Variants in TNPO1 observed in about 807,000 individuals in gnomAD.
TNPO1 encodes the protein transportin 1.
A neutral mutation model predicts 119.5 loss-of-function variants in TNPO1; 8 were observed. The observed-to-expected ratio is 0.07, with a 90% CI of 0.04 to 0.12. The LOEUF (loss-of-function observed/expected upper bound fraction) is 0.12, where lower values mean the gene tolerates loss of function less well. TNPO1 is among the 10% of genes least tolerant of loss of function. TNPO1 has a pLI of 1.00. For synonymous variants in TNPO1, 362 were observed against 363.0 expected (o/e 1.00, Z 0.03); for missense variants, 576 against 1,089.8 (o/e 0.53, Z 6.64).
In TNPO1 at chr5:72,913,671, T is replaced by C. The variant is rs2112537166; in HGVS notation, c.*4998T>C. 1 of 152,670 alleles carries C rather than the reference T, an allele frequency of 6.6e-6. No individual in the cohort carries two copies. Among genetic ancestry groups the C allele is most frequent in the South Asian group, 2.1e-4 (1 of 4,832 alleles). The allele number at this position is 152,670 out of a possible 1,614,324, so 9.5% of individuals were successfully genotyped here. On this transcript the variant is annotated 3_prime_UTR_variant, in exon 25 of 25. Coordinates refer to ENST00000337273, the MANE Select transcript of TNPO1 (RefSeq NM_002270.4). ...TTCAAGATTAGCTATTTCGCTGGTA[T>C]TACATCTTTTTAAAAGCCTATTATA...
rs1334973639 is a variant in TNPO1, at chr5:72,889,971, A to G, written c.1701+14A>G. 6.2e-7 allele frequency: 1 copy of G among 1,609,860 alleles called. No homozygotes were observed. The highest frequency in any genetic ancestry group is 1.7e-5 in the Admixed American group (1 of 58,682). The stretch of plus-strand genomic sequence containing the variant: ...TTAAACAAACCAGTAAGTATCTGTT[A>G]AGAACTATTAGGGAAAATAATGTGT... On this transcript the variant is annotated intron_variant, in intron 14 of 24. Transcript: ENST00000337273.
intron 1 of TNPO1, 105 bp downstream of exon 1, chr5:72,816,857 GCT>G: frequency 7.3e-7 from 1 of 1,370,698 alleles, no homozygotes. Flanking sequence ...GGGCTCGCCC[GCT>G]CTCTCGGCGC....
intron 7 of TNPO1, 63 bp downstream of exon 7, chr5:72,872,783 A>T: frequency 1.1e-6 from 1 of 915,506 alleles, no homozygotes; most frequent in Non-Finnish European, 1.7e-6. Flanking sequence ...AGGTTAGGTG[A>T]TGCTAACTGC....
chr5:72,816,800 G>A, intron 1 of TNPO1, 48 bp downstream of exon 1: 1 of 1,555,392 alleles, frequency 6.4e-7, no homozygotes, highest in Non-Finnish European at 8.7e-7. Flanking sequence ...GGCGGGAACG[G>A]AGGCTGGGAG....
At chr5:72,832,940 G>A (rs266428) in intron 1 of TNPO1, among the ~76,000 whole-genome samples, 95,713 of 151,904 alleles carry the variant, frequency 0.63, 31,265 homozygotes, top group East Asian at 0.75. Context: ...ACCTTTCAGA[G>A]ACTTGCATGT....
intron 15 of TNPO1, among the ~76,000 whole-genome samples, chr5:72,892,097 C>T (rs914129028): frequency 2.0e-5 from 3 of 151,832 alleles, no homozygotes; most frequent in African/African-American, 7.3e-5. Flanking sequence ...TATCTACTCT[C>T]TATATAGAGT....
chr5:72,828,476 C>A (rs917961101), intron 1 of TNPO1, among the ~76,000 whole-genome samples: 2 of 152,136 alleles, frequency 1.3e-5, no homozygotes, highest in Non-Finnish European at 2.9e-5. Context: ...CAATTTTTAA[C>A]ATTTTGCTAC....
At chr5:72,870,094 G>C (rs34673) in intron 6 of TNPO1, among the ~76,000 whole-genome samples, 21,679 of 149,746 alleles carry the variant, frequency 0.14, 1,734 homozygotes, top group East Asian at 0.3. Context: ...TGGAATTTAC[G>C]TTGGAATAAC....
In TNPO1 at chr5:72,896,427, G is replaced by GT. The variant is rs538889311; in HGVS notation, c.2144-28dup. ...AAGTACAATATACTGCTATTGAAAA[G>GT]TTTACTACATAGTTTAAATTTTTTT... On this transcript the variant is annotated intron_variant, in intron 18 of 24. Transcript: ENST00000337273. 4.3e-5 allele frequency: 66 copies of GT among 1,533,904 alleles called. No individual in the cohort carries two copies. In the South Asian group the frequency reaches 7.3e-4, roughly 17 times the overall value.
At chr5:72,861,128 C>G (rs1298435838) in intron 4 of TNPO1, among the ~76,000 whole-genome samples, 1 of 152,092 alleles carries the variant, frequency 6.6e-6, no homozygotes, top group Non-Finnish European at 1.5e-5. Flanking sequence ...TCAGGCTGGT[C>G]TTGAACTCCC....
In TNPO1 at chr5:72,900,052, C is replaced by T. The variant is rs1749699739; in HGVS notation, c.2385C>T (p.Ala795=). 1.9e-6 allele frequency: 3 copies of T among 1,613,702 alleles called. No individual in the cohort carries two copies. The highest frequency in any genetic ancestry group is 2.2e-5 in the South Asian group (2 of 91,040). The change falls in exon 21 of 25, where the codon GCC becomes GCT. Residue 795 remains alanine, a synonymous_variant. Transcript: ENST00000337273. ...GTTACGTTTGTCCTCAAGAGGTGGC[C>T]CCCATGCTACAGCAGTTTATAAGAC... ...RLGYVCPQEV[A]PMLQQFIRPW... is the part of the protein sequence containing the mutation.
intron 1 of TNPO1, among the ~76,000 whole-genome samples, chr5:72,838,833 A>G (rs1223446868): frequency 6.6e-6 from 1 of 152,186 alleles, no homozygotes; most frequent in African/African-American, 2.4e-5. Context: ...CCAATTCTTA[A>G]CATTTACTAG....
chr5:72,825,765 C>T, intron 1 of TNPO1: 1 of 152,542 alleles, frequency 6.6e-6, no homozygotes, highest in Non-Finnish European at 1.5e-5. Flanking sequence ...AGCTAGAAAG[C>T]AGCCCTCACC....
At chr5:72,835,302 T>C (rs553382091) in intron 1 of TNPO1, among the ~76,000 whole-genome samples, 1 of 152,378 alleles carries the variant, frequency 6.6e-6, no homozygotes, top group Non-Finnish European at 1.5e-5. Flanking sequence ...TTGATTTTTC[T>C]ACTTTAGAAT....
chr5:72,848,743 C>T (rs1745298783), intron 2 of TNPO1, among the ~76,000 whole-genome samples: 2 of 147,236 alleles, frequency 1.4e-5, no homozygotes, highest in Non-Finnish European at 3.0e-5. Context: ...AGGCCACCGG[C>T]TTCCGGCGCG....
chr5:72,853,765 A>G (rs1408175426), intron 3 of TNPO1, among the ~76,000 whole-genome samples: 1 of 152,198 alleles, frequency 6.6e-6, no homozygotes, highest in Non-Finnish European at 1.5e-5. Flanking sequence ...CAGCAATACA[A>G]GTAACATCTT....
Position 72,816,760 on chromosome 5 carries a change from G to A in TNPO1, c.15+8G>A, listed in dbSNP as rs1743708734. ...GGGATGGTGTGGGACCGGGTAGGTGGCGTGAGGGTGCGCGGCCCCGAACTG... is the reference window on the plus strand; with the variant it reads ...GGGATGGTGTGGGACCGGGTAGGTGACGTGAGGGTGCGCGGCCCCGAACTG... On this transcript the variant is annotated splice_region_variant and intron_variant, in intron 1 of 24. Coordinates refer to ENST00000337273, the MANE Select transcript of TNPO1 (RefSeq NM_002270.4). 6.3e-7 allele frequency: 1 copy of A among 1,583,662 alleles called. No individual in the cohort carries two copies. The highest frequency in any genetic ancestry group is 1.4e-5 in the African/African-American group (1 of 73,102).
intron 6 of TNPO1, chr5:72,871,677 G>T (rs1747416306): frequency 6.6e-6 from 1 of 152,236 alleles, no homozygotes; most frequent in South Asian, 2.1e-4. Context: ...ATGAAAGATG[G>T]TGAAGGATGT....
intron 2 of TNPO1, among the ~76,000 whole-genome samples, chr5:72,850,721 C>T (rs941150140): frequency 3.9e-5 from 6 of 152,118 alleles, no homozygotes; most frequent in Admixed American, 3.3e-4. Context: ...ATAATGCTGA[C>T]TTTATAATAA....
Sources: allele counts gnomAD v4.1 joint callset (sites outside exome capture counted in the v4.1 genomes callset), GRCh38; gene constraint gnomAD v4.1.1; transcripts MANE v1.5; gene names NCBI Gene and HGNC (gene_info 2026-07-23, HGNC 2026-07-21).